Variants in CDC34 observed in about 807,000 individuals in gnomAD.
The protein encoded by CDC34 is cell division cycle 34, ubiquitin conjugating enzyme, also known as ubiquitin-conjugating enzyme E2 R1.
Under a neutral mutation model 26.8 loss-of-function variants are expected in CDC34, and 18 were observed. The observed-to-expected ratio is 0.67, with a 90% CI of 0.47 to 1.00. The LOEUF is 1.00. Ranked by LOEUF, CDC34 falls within the 50% of genes least tolerant of loss-of-function variation. The pLI is 0.00. For synonymous variants in CDC34, 178 were observed against 147.5 expected (o/e 1.21, Z -1.50); for missense variants, 280 against 334.5 (o/e 0.84, Z 1.27).
chr19:539,134 C>G (rs1374438151), intron 4 of CDC34: 3 of 545,456 alleles, frequency 5.5e-6, no homozygotes, highest in Non-Finnish European at 7.0e-6. Flanking sequence ...TCGTGGCAGC[C>G]CAAGTCCCGC....
chr19:538,505 C>G (rs911889784), intron 4 of CDC34, among the ~76,000 whole-genome samples: 5 of 150,230 alleles, frequency 3.3e-5, no homozygotes, highest in African/African-American at 1.2e-4. Flanking sequence ...GGTTCCTGCT[C>G]TTCCTGTTAC....
chr19:541,802 T>G lies in CDC34; in HGVS notation c.*250T>G. On this transcript the variant is annotated 3_prime_UTR_variant, in exon 5 of 5. Coordinates refer to ENST00000215574, the MANE Select transcript of CDC34 (RefSeq NM_004359.2). ...AGGGTGGGAGCGGCCGGCCCACCTG[T>G]CCCCTCGGGAGGGGAGCTGAGCCCG... 3 of 326,420 alleles carry G rather than the reference T, an allele frequency of 9.2e-6. No homozygotes were observed. The highest frequency in any genetic ancestry group is 4.9e-5 in the East Asian group (1 of 20,236). The allele number at this position is 326,420 out of a possible 1,614,324, so 20.2% of individuals were successfully genotyped here.
intron 1 of CDC34, among the ~76,000 whole-genome samples, chr19:534,551 G>A (rs1226139949): frequency 3.8e-5 from 4 of 106,044 alleles, no homozygotes; most frequent in Admixed American, 1.1e-4. Context: ...AGACCCCCGA[G>A]TACCCTCCCT....
In CDC34 at chr19:535,886, G is replaced by A. The variant is rs375521090; in HGVS notation, c.227G>A (p.Arg76Gln). Residue 76 changes from arginine to glutamine, a missense_variant, in exon 2 of 5, where the codon CGG (arginine) becomes CAG (glutamine). Arg to Gln is a conservative substitution (Grantham distance 43). Transcript: ENST00000215574. Reference sequence around the variant, plus strand: ...TACCCATACTCTCCACCAGCCTTTCGGTTCCTGACCAAGATGTGGCACCCT... The same window carrying A: ...TACCCATACTCTCCACCAGCCTTTCAGTTCCTGACCAAGATGTGGCACCCT... ...IDYPYSPPAF[R>Q]FLTKMWHPNI... The A allele has an allele frequency of 4.9e-5, 79 of 1,613,976 alleles. No individual in the cohort carries two copies. Among genetic ancestry groups the A allele is most frequent in the Non-Finnish European group, 6.5e-5 (77 of 1,179,998 alleles).
At position 536,224 on chromosome 19, in the gene CDC34, C is replaced by G. The variant is rs938819085; in HGVS notation, c.265-19C>G. 1.9e-6 allele frequency: 3 copies of G among 1,590,792 alleles called. No individual in the cohort carries two copies. The highest frequency in any genetic ancestry group is 2.6e-6 in the Non-Finnish European group (3 of 1,166,880). On this transcript the variant is annotated intron_variant, in intron 2 of 4. Transcript: ENST00000215574. ...GTGCTGACCTCTGACCTGTTCTGAC[C>G]TGTCTTCTTCTTGTGCAGACGGGGG...
chr19:532,271 C>G (rs933793225), intron 1 of CDC34, among the ~76,000 whole-genome samples, 163 bp downstream of exon 1: 2 of 152,146 alleles, frequency 1.3e-5, no homozygotes, highest in Non-Finnish European at 2.9e-5. Context: ...CCACCCAGCT[C>G]TGCCCGGCCC....
In CDC34 at chr19:532,937, A is replaced by G. The variant is rs184774019; in HGVS notation, c.177+829A>G. Among the ~76,000 whole-genome samples the G allele has an allele frequency of 2.2e-3, 330 of 152,232 alleles. 3 individuals carry two copies. Among genetic ancestry groups the G allele is most frequent in the African/African-American group, 7.6e-3 (314 of 41,546 alleles). Reference sequence around the variant, plus strand: ...CTTGGCCTTTCTCAGAGTCCACTGAACAGGTGGCTTCTTGGGACCCAAACC... The same window carrying G: ...CTTGGCCTTTCTCAGAGTCCACTGAGCAGGTGGCTTCTTGGGACCCAAACC... On this transcript the variant is annotated intron_variant, in intron 1 of 4. Transcript: ENST00000215574.
intron 4 of CDC34, among the ~76,000 whole-genome samples, chr19:539,957 G>C (rs1979935743): frequency 6.6e-6 from 1 of 152,152 alleles, no homozygotes; most frequent in Non-Finnish European, 1.5e-5. Context: ...CAGAGGCTGG[G>C]ATGGCCAGGC....
In CDC34 at chr19:535,907, A is replaced by G; in HGVS notation, c.248A>G (p.His83Arg). The G allele has an allele frequency of 1.2e-6, 2 of 1,613,492 alleles. No individual in the cohort carries two copies. The highest frequency in any genetic ancestry group is 1.7e-6 in the Non-Finnish European group (2 of 1,179,708). ...TTTCGGTTCCTGACCAAGATGTGGC[A>G]CCCTAACATCTACGAGGTGAGCGCG... The part of the protein sequence containing the change: ...PAFRFLTKMW[H>R]PNIYETGDVC... The change falls in exon 2 of 5, where the codon CAC (histidine) becomes CGC (arginine). Residue 83 changes from histidine (H) to arginine (R), a missense_variant. His to Arg is a conservative substitution (Grantham distance 29). Coordinates refer to ENST00000215574, the MANE Select transcript of CDC34 (RefSeq NM_004359.2).
At position 541,925 on chromosome 19, in the gene CDC34, T is replaced by G; in HGVS notation, c.*373T>G. ...TGGGCGGGGGGCCGTTTCCTGACAC[T>G]ACCAGCCTGGGAGGCCCAGGTGTAG... On this transcript the variant is annotated 3_prime_UTR_variant, in exon 5 of 5. Coordinates refer to ENST00000215574, the MANE Select transcript of CDC34 (RefSeq NM_004359.2). 5.8e-6 allele frequency: 1 copy of G among 172,214 alleles called. No individual in the cohort carries two copies. Among genetic ancestry groups the G allele is most frequent in the Non-Finnish European group, 1.2e-5 (1 of 80,536 alleles). 10.7% of individuals were successfully genotyped at this position (172,214 alleles called of 1,614,324 possible). A position where few individuals can be genotyped will look rare whatever the true frequency, so the allele number is the denominator to read the frequency against.
intron 4 of CDC34, among the ~76,000 whole-genome samples, chr19:541,042 T>C (rs546187952): frequency 3.3e-5 from 5 of 152,188 alleles, no homozygotes; most frequent in African/African-American, 1.2e-4. Flanking sequence ...GGCATCGTTA[T>C]TTTCTCCCAG....
intron 3 of CDC34, chr19:536,608 C>A (rs562671332): frequency 4.7e-5 from 27 of 574,688 alleles, no homozygotes; most frequent in South Asian, 4.6e-4. Flanking sequence ...AGGTGTCCCG[C>A]CATCCTCAGT....
In CDC34 at chr19:541,714, G is replaced by T. The variant is rs949498345; in HGVS notation, c.*162G>T. ...CCATGTCTGTTCTGGGTTTTCACGT[G>T]CTTCAGAGAAGAGGGGCTGCCCCAC... On this transcript the variant is annotated 3_prime_UTR_variant, in exon 5 of 5. Coordinates refer to ENST00000215574, the MANE Select transcript of CDC34 (RefSeq NM_004359.2). The T allele has an allele frequency of 6.6e-6, 5 of 752,276 alleles. No individual in the cohort carries two copies. The highest frequency in any genetic ancestry group is 9.8e-6 in the Non-Finnish European group (5 of 509,628). The allele number at this position is 752,276 out of a possible 1,614,324, so 46.6% of individuals were successfully genotyped here.
rs772271528 is a variant in CDC34 at position 541,466 on chromosome 19, GACT to G, written c.631_633del (p.Tyr211del). The G allele has an allele frequency of 9.9e-6, 16 of 1,612,536 alleles. No homozygotes were observed. In the South Asian group the frequency reaches 1.3e-4, roughly 13 times the overall value. On this transcript the variant is annotated inframe_deletion, in exon 5 of 5. Coordinates refer to ENST00000215574, the MANE Select transcript of CDC34 (RefSeq NM_004359.2). The stretch of plus-strand genomic sequence containing the variant: ...CGAGGGCTCAGACCTCTTCTACGAC[GACT>G]ACTACGAGGACGGCGAGGTGGAGGA...
In CDC34 at chr19:541,413, G is replaced by A. The variant is rs759186036; in HGVS notation, c.572G>A (p.Cys191Tyr). ...GTGCCCACCACGCTGGCCGAGTACTGCGTGAAGACCAAGGCGCCGGCGCCC... is the reference window on the plus strand; with the variant it reads ...GTGCCCACCACGCTGGCCGAGTACTACGTGAAGACCAAGGCGCCGGCGCCC... Reference protein sequence around the residue: ...VKVPTTLAEYCVKTKAPAPDE... With the variant: ...VKVPTTLAEYYVKTKAPAPDE... The change falls in exon 5 of 5, where the codon TGC (cysteine) becomes TAC (tyrosine). Residue 191 changes from cysteine (C) to tyrosine (Y), a missense_variant. Coordinates refer to ENST00000215574, the MANE Select transcript of CDC34 (RefSeq NM_004359.2). 1.2e-6 allele frequency: 2 copies of A among 1,612,160 alleles called. No homozygotes were observed. Among genetic ancestry groups the A allele is most frequent in the African/African-American group, 2.7e-5 (2 of 74,934 alleles).
At position 535,940 on chromosome 19, in the gene CDC34, C is replaced by A; in HGVS notation, c.264+17C>A. On this transcript the variant is annotated intron_variant, in intron 2 of 4. Coordinates refer to ENST00000215574, the MANE Select transcript of CDC34 (RefSeq NM_004359.2). ...ATCTACGAGGTGAGCGCGGCCCCCA[C>A]GGGCCTCAAGTCCTCATCCTCCGGG... 1 of 1,608,276 alleles carries A rather than the reference C, an allele frequency of 6.2e-7. No individual in the cohort carries two copies. Among genetic ancestry groups the A allele is most frequent in the Non-Finnish European group, 8.5e-7 (1 of 1,175,440 alleles).
At position 536,333 on chromosome 19, in the gene CDC34, A is replaced by C; in HGVS notation, c.355A>C (p.Asn119His). Residue 119 changes from asparagine (N) to histidine (H), a missense_variant, in exon 3 of 5, where the codon AAC (asparagine) becomes CAC (histidine). Asn to His is a moderately conservative substitution (Grantham distance 68). Coordinates refer to ENST00000215574, the MANE Select transcript of CDC34 (RefSeq NM_004359.2). Reference sequence around the variant, plus strand: ...CTCAGAGAGGTGGAACCCCACGCAGAACGTCAGGTAAGCCGGCCCAACCCC... The same window carrying C: ...CTCAGAGAGGTGGAACCCCACGCAGCACGTCAGGTAAGCCGGCCCAACCCC... ...LPSERWNPTQ[N>H]VRTILLSVIS... 1 of 1,611,514 alleles carries C rather than the reference A, an allele frequency of 6.2e-7. No individual in the cohort carries two copies.
At chr19:541,113 G>T in intron 4 of CDC34, 2 of 543,490 alleles carry the variant, frequency 3.7e-6, no homozygotes, top group East Asian at 3.1e-5. Flanking sequence ...ACTGCACTGC[G>T]CCCGTCCAGC....
At chr19:539,876 C>T (rs147613525) in intron 4 of CDC34, among the ~76,000 whole-genome samples, 98 of 152,278 alleles carry the variant, frequency 6.4e-4, no homozygotes, top group Non-Finnish European at 1.0e-3. Context: ...GTGCGCGGTG[C>T]AGCCCCTCAT....
Sources: allele counts gnomAD v4.1 joint callset (sites outside exome capture counted in the v4.1 genomes callset), GRCh38; gene constraint gnomAD v4.1.1; transcripts MANE v1.5; gene names NCBI Gene and HGNC (gene_info 2026-07-23, HGNC 2026-07-21).